Variants in THSD7B observed in about 807,000 individuals in gnomAD.
THSD7B encodes thrombospondin type 1 domain containing 7B, also known as thrombospondin type-1 domain-containing protein 7B.
Under a neutral mutation model 213.6 loss-of-function variants are expected in THSD7B, and 138 were observed. That is an observed-to-expected ratio of 0.65 (90% CI 0.56 to 0.74). THSD7B has a LOEUF of 0.74. Ranked by LOEUF, THSD7B falls within the 30% of genes least tolerant of loss-of-function variation. The pLI is 0.00. For missense variants in THSD7B, 1,931 were observed against 1,991.5 expected (o/e 0.97, Z 0.58); for synonymous variants, 742 against 687.0 (o/e 1.08, Z -1.25).
chr2:137,614,585 T>C (rs1479719169), intron 17 of THSD7B, among the ~76,000 whole-genome samples: 1 of 152,148 alleles, frequency 6.6e-6, no homozygotes, highest in Admixed American at 6.6e-5. Flanking sequence ...AAAGAAGCAT[T>C]CAAATTAATT....
In THSD7B at chr2:137,090,647, T is replaced by G. The variant is rs150016945; in HGVS notation, c.951-4226T>G. On this transcript the variant is annotated intron_variant, in intron 3 of 27. Coordinates refer to ENST00000409968, the MANE Select transcript of THSD7B (RefSeq NM_001316349.2). ...TATACATGTGACAGGGGTCAAATTA[T>G]CACAGTATCTTTTCTAAAAAGGCAA... is the stretch of plus-strand genomic sequence containing the variant. 1.2e-4 allele frequency among the ~76,000 whole-genome samples: 18 copies of G among 152,310 alleles called. No homozygotes were observed. The East Asian group carries it at 3.3e-3, about 28-fold the overall frequency.
At chr2:136,997,676 T>C (rs1016333392) in intron 2 of THSD7B, among the ~76,000 whole-genome samples, 2 of 152,190 alleles carry the variant, frequency 1.3e-5, no homozygotes, top group African/African-American at 4.8e-5. Flanking sequence ...GATTCTTGTG[T>C]CCTAGTTTCC....
chr2:137,011,917 T>C (rs766484102), intron 2 of THSD7B, among the ~76,000 whole-genome samples: 5 of 152,182 alleles, frequency 3.3e-5, no homozygotes, highest in African/African-American at 4.8e-5. Context: ...CTCTACTAGA[T>C]TATAAATTCT....
intron 2 of THSD7B, among the ~76,000 whole-genome samples, chr2:136,885,079 G>A (rs182273186): frequency 6.6e-6 from 1 of 152,206 alleles, no homozygotes; most frequent in Admixed American, 6.5e-5. Flanking sequence ...TGTATTTTTA[G>A]GGTATGTTAT....
In THSD7B at chr2:136,799,901, T is replaced by C. The variant is rs574240455; in HGVS notation, c.-36+34214T>C. ...GGTCACTTTGGTTTTACTTCTGCCC[T>C]CAATAACATGACATGACTGAATCAT... On this transcript the variant is annotated intron_variant, in intron 1 of 27. Transcript: ENST00000409968. 1.8e-3 allele frequency among the ~76,000 whole-genome samples: 269 copies of C among 152,102 alleles called. 4 individuals carry two copies. Among genetic ancestry groups the C allele is most frequent in the South Asian group, 2.3e-3 (11 of 4,832 alleles).
chr2:136,906,965 T>TTA (rs1491028452), intron 2 of THSD7B, among the ~76,000 whole-genome samples: 7 of 102,598 alleles, frequency 6.8e-5, no homozygotes, highest in African/African-American at 2.9e-4. Flanking sequence ...TTTTTTTTTT[T>TTA]AGAGGGTCTG....
intron 1 of THSD7B, among the ~76,000 whole-genome samples, chr2:136,879,304 G>GC (rs1365382114): frequency 2.6e-5 from 4 of 152,216 alleles, no homozygotes; most frequent in Non-Finnish European, 4.4e-5. Context: ...GTACCATGCT[G>GC]TTTTGGTTAC....
At chr2:137,314,129 C>G (rs550577093) in intron 12 of THSD7B, among the ~76,000 whole-genome samples, 42 of 152,324 alleles carry the variant, frequency 2.8e-4, no homozygotes, top group African/African-American at 9.9e-4. Context: ...TTCTCCCCAT[C>G]ACTTTCAGGT....
At chr2:136,844,494 G>GAGAC (rs1682970753) in intron 1 of THSD7B, among the ~76,000 whole-genome samples, 1 of 141,126 alleles carries the variant, frequency 7.1e-6, no homozygotes, top group Non-Finnish European at 1.5e-5. Context: ...GAGAGAGAGA[G>GAGAC]ACAGAGAGAT....
intron 1 of THSD7B, among the ~76,000 whole-genome samples, chr2:136,812,999 C>T (rs1310834663): frequency 1.3e-5 from 2 of 152,110 alleles, no homozygotes; most frequent in Non-Finnish European, 2.9e-5. Flanking sequence ...TGACATTTGG[C>T]CGGCAATTAA....
chr2:137,239,250 A>ACATTACC (rs1415221818), intron 9 of THSD7B, among the ~76,000 whole-genome samples: 11 of 152,310 alleles, frequency 7.2e-5, no homozygotes, highest in African/African-American at 2.6e-4. Context: ...TAACCATAGT[A>ACATTACC]CATTACCAAA....
At chr2:136,980,141 TCCTCTGTGCA>T (rs1403135085) in intron 2 of THSD7B, among the ~76,000 whole-genome samples, 1 of 152,150 alleles carries the variant, frequency 6.6e-6, no homozygotes, top group Non-Finnish European at 1.5e-5. Context: ...GCCTACTCCT[TCCTCTGTGCA>T]GTGGCCTGAT....
At chr2:137,011,129 A>G (rs912049360) in intron 2 of THSD7B, among the ~76,000 whole-genome samples, 7 of 152,162 alleles carry the variant, frequency 4.6e-5, no homozygotes, top group Non-Finnish European at 1.0e-4. Context: ...GAGTAAGTAT[A>G]TGACTTGCCA....
At chr2:137,351,456 T>A (rs2104921552) in intron 12 of THSD7B, among the ~76,000 whole-genome samples, 1 of 152,092 alleles carries the variant, frequency 6.6e-6, no homozygotes. Context: ...AAAATCAGTC[T>A]ACCCAATGGT....
At chr2:136,892,592 A>G (rs1392339700) in intron 2 of THSD7B, among the ~76,000 whole-genome samples, 9 of 151,952 alleles carry the variant, frequency 5.9e-5, no homozygotes, top group Non-Finnish European at 8.8e-5. Context: ...TCTCTTTTGA[A>G]TGATATACCT....
chr2:137,494,050 A>G (rs1573660061), intron 15 of THSD7B, among the ~76,000 whole-genome samples: 1 of 152,222 alleles, frequency 6.6e-6, no homozygotes, highest in African/African-American at 2.4e-5. Flanking sequence ...CAGGAAATCA[A>G]TCTTCCTGCC....
chr2:137,072,627 C>T, intron 3 of THSD7B, among the ~76,000 whole-genome samples: 1 of 152,144 alleles, frequency 6.6e-6, no homozygotes, highest in East Asian at 1.9e-4. Context: ...CTGGCCAGAA[C>T]TTCCAACACT....
intron 2 of THSD7B, among the ~76,000 whole-genome samples, chr2:137,026,147 C>T (rs1450044574): frequency 1.3e-5 from 2 of 152,154 alleles, no homozygotes; most frequent in African/African-American, 4.8e-5. Flanking sequence ...ATGTACATGG[C>T]AATTCCTATT....
At chr2:137,535,815 C>T (rs1035437154) in intron 15 of THSD7B, among the ~76,000 whole-genome samples, 1 of 151,422 alleles carries the variant, frequency 6.6e-6, no homozygotes, top group Non-Finnish European at 1.5e-5. Context: ...CATCAGACAT[C>T]TTCAAGAATG....
Sources: gnomAD v4.1 joint callset for allele counts (sites outside exome capture counted in the v4.1 genomes callset) on GRCh38, gnomAD v4.1.1 for gene constraint, MANE v1.5 for transcripts, NCBI Gene and HGNC (gene_info 2026-07-23, HGNC 2026-07-21) for gene names.